PRKAR1A: variants seen among roughly 807,000 people sequenced by gnomAD.
PRKAR1A encodes protein kinase cAMP-dependent type I regulatory subunit alpha.
In PRKAR1A, 3 loss-of-function variants were observed where a neutral mutation model predicts 52.0. That is an observed-to-expected ratio of 0.06 (90% CI 0.03 to 0.15). PRKAR1A has a LOEUF of 0.15. PRKAR1A is among the 10% of genes least tolerant of loss of function. The pLI, the probability that PRKAR1A is intolerant of heterozygous loss-of-function variation, is 1.00. For missense variants in PRKAR1A, 240 were observed against 477.4 expected (o/e 0.50, Z 4.63); for synonymous variants, 188 against 168.4 (o/e 1.12, Z -0.90).
the PRKAR1A span, among the ~76,000 whole-genome samples, chr17:68,488,704 A>T: frequency 6.8e-6 from 1 of 146,322 alleles, no homozygotes; most frequent in Admixed American, 7.0e-5. Context: ...CACTCCAGCC[A>T]GGGCAACAGA....
chr17:68,465,308 G>C, the PRKAR1A span, among the ~76,000 whole-genome samples: 1 of 152,094 alleles, frequency 6.6e-6, no homozygotes, highest in Non-Finnish European at 1.5e-5. Context: ...CTGAACATTT[G>C]TACTATGGGA....
chr17:68,415,335 G>T, the PRKAR1A span, among the ~76,000 whole-genome samples: 6 of 152,132 alleles, frequency 3.9e-5, no homozygotes, highest in African/African-American at 7.2e-5. Flanking sequence ...GGTTCTGAAG[G>T]TTCCTTTGGA....
chr17:68,534,977 A>T (rs1037489146), downstream of PRKAR1A: 7 of 285,924 alleles, frequency 2.4e-5, no homozygotes, highest in African/African-American at 1.5e-4. Flanking sequence ...GAGAATGACT[A>T]ATTTTTTTGT....
chr17:68,418,480 C>G, the PRKAR1A span, among the ~76,000 whole-genome samples: 4 of 152,182 alleles, frequency 2.6e-5, no homozygotes, highest in South Asian at 6.2e-4. Context: ...CAACTTGACT[C>G]TCAGCCACAG....
Position 68,530,789 on chromosome 17 carries a change from G to T in PRKAR1A, c.*340G>T. 1 of 1,266,786 alleles carries T rather than the reference G, an allele frequency of 7.9e-7. No individual in the cohort carries two copies. The highest frequency in any genetic ancestry group is 1.0e-6 in the Non-Finnish European group (1 of 995,306). The allele number at this position is 1,266,786 out of a possible 1,614,324, so 78.5% of individuals were successfully genotyped here. On this transcript the variant is annotated 3_prime_UTR_variant, in exon 11 of 11. Coordinates refer to ENST00000589228, the MANE Select transcript of PRKAR1A (RefSeq NM_002734.5). ...ATTACCATAGAGTAATGATGTAACA[G>T]TGCAAGATTTTTTTTTTAAGTGACA...
the PRKAR1A span, among the ~76,000 whole-genome samples, chr17:68,491,099 T>TTC: frequency 5.5e-4 from 84 of 151,780 alleles, no homozygotes; most frequent in African/African-American, 1.4e-3. Flanking sequence ...TCTTTCTTTT[T>TTC]TTTTTTTTTT....
the PRKAR1A span, among the ~76,000 whole-genome samples, chr17:68,427,733 CAA>C: frequency 1.3e-5 from 2 of 152,314 alleles, no homozygotes; most frequent in East Asian, 3.9e-4. Context: ...ATTGGCTAGA[CAA>C]AGATTAGTCC....
chr17:68,524,651 A>G (rs1356777520), intron 5 of PRKAR1A, among the ~76,000 whole-genome samples: 2 of 148,202 alleles, frequency 1.3e-5, no homozygotes, highest in African/African-American at 2.5e-5. Flanking sequence ...TATAAATGCC[A>G]TAGCAGTTAA....
chr17:68,451,126 CTAAAG>C, the PRKAR1A span, among the ~76,000 whole-genome samples: 1 of 152,236 alleles, frequency 6.6e-6, no homozygotes, highest in African/African-American at 2.4e-5. Context: ...TTCCAAATAT[CTAAAG>C]TAAAGAAAAC....
intron 7 of PRKAR1A, 104 bp from the exon 8 acceptor site, chr17:68,527,736 C>T: frequency 1.0e-6 from 1 of 1,001,906 alleles, no homozygotes; most frequent in East Asian, 2.5e-5. Context: ...CTTTGACTTT[C>T]TGGTTTTAAA....
the PRKAR1A span, among the ~76,000 whole-genome samples, chr17:68,460,078 C>T: frequency 6.6e-6 from 1 of 152,196 alleles, no homozygotes. Context: ...CTCAGCCTCC[C>T]AAAGTGCTGG....
chr17:68,521,397 T>C (rs1391145316), intron 2 of PRKAR1A, among the ~76,000 whole-genome samples: 4 of 152,164 alleles, frequency 2.6e-5, no homozygotes, highest in Non-Finnish European at 5.9e-5. Context: ...GCCCAACTAA[T>C]TTTTATGTGT....
chr17:68,521,576 CTG>C (rs1600476085), intron 2 of PRKAR1A, among the ~76,000 whole-genome samples: 1 of 152,186 alleles, frequency 6.6e-6, no homozygotes, highest in Non-Finnish European at 1.5e-5. Flanking sequence ...AGTTTTATAC[CTG>C]TGTTAATATG....
the PRKAR1A span, chr17:68,424,661 A>G: frequency 2.7e-6 from 1 of 367,762 alleles, no homozygotes; most frequent in Admixed American, 3.7e-5. Context: ...GGATCACTTG[A>G]GGTCAGGAGT....
intron 11 of PRKAR1A, among the ~76,000 whole-genome samples, chr17:68,545,662 A>G (rs914681551): frequency 1.3e-5 from 2 of 152,218 alleles, no homozygotes; most frequent in African/African-American, 2.4e-5. Flanking sequence ...CAAAAGATGT[A>G]TCTGTAGCAC....
chr17:68,527,991 A>G (rs2085844784), intron 8 of PRKAR1A, 91 bp downstream of exon 8: 2 of 1,080,942 alleles, frequency 1.9e-6, no homozygotes, highest in African/African-American at 1.6e-5. Flanking sequence ...TGAAAGTATA[A>G]TTGCTACTCA....
At chr17:68,478,468 C>CA in the PRKAR1A span, among the ~76,000 whole-genome samples, 1 of 152,162 alleles carries the variant, frequency 6.6e-6, no homozygotes, top group East Asian at 1.9e-4. Flanking sequence ...ACAACAACAA[C>CA]AACAAAAAAC....
chr17:68,548,455 A>G (rs1007226330), intron 11 of PRKAR1A, among the ~76,000 whole-genome samples: 13 of 152,024 alleles, frequency 8.6e-5, no homozygotes, highest in African/African-American at 2.9e-4. Context: ...GCTTGAACCC[A>G]GGAGGCAGAG....
In PRKAR1A at chr17:68,532,406, A is replaced by T. The variant is rs1256082289; in HGVS notation, c.*1957A>T. On this transcript the variant is annotated 3_prime_UTR_variant, in exon 11 of 11. Coordinates refer to ENST00000589228, the MANE Select transcript of PRKAR1A (RefSeq NM_002734.5). ...TACTCTTAAATCATTTGGTTAAATCATTTGGCTTGCTGTTTACTCCCTTCT... is the reference window on the plus strand; with the variant it reads ...TACTCTTAAATCATTTGGTTAAATCTTTTGGCTTGCTGTTTACTCCCTTCT... 1.9e-6 allele frequency: 2 copies of T among 1,059,334 alleles called. No individual in the cohort carries two copies. The highest frequency in any genetic ancestry group is 5.3e-5 in the Admixed American group (1 of 18,720). 65.6% of individuals were successfully genotyped at this position (1,059,334 alleles called of 1,614,324 possible). A position where few individuals can be genotyped will look rare whatever the true frequency, so the allele number is the denominator to read the frequency against.
Sources: gnomAD v4.1 joint callset for allele counts (sites outside exome capture counted in the v4.1 genomes callset) on GRCh38, gnomAD v4.1.1 for gene constraint, MANE v1.5 for transcripts, NCBI Gene and HGNC (gene_info 2026-07-23, HGNC 2026-07-21) for gene names.